TPX2: variants seen among roughly 807,000 people sequenced by gnomAD.
The protein encoded by TPX2 is TPX2 microtubule nucleation factor, also known as targeting protein for Xklp2.
A neutral mutation model predicts 93.6 loss-of-function variants in TPX2; 21 were observed. That is an observed-to-expected ratio of 0.22 (90% CI 0.16 to 0.32). The LOEUF is 0.32. TPX2 is among the 10% of genes least tolerant of loss of function. TPX2 has a pLI of 1.00. For synonymous variants in TPX2, 281 were observed against 298.3 expected (o/e 0.94, Z 0.60); for missense variants, 776 against 871.1 (o/e 0.89, Z 1.37).
intron 17 of TPX2, among the ~76,000 whole-genome samples, chr20:31,799,897 C>CA (rs533016889): frequency 0.043 from 2,733 of 63,574 alleles, 65 homozygotes; most frequent in Admixed American, 0.074. Flanking sequence ...GAGACTGTCT[C>CA]AAAAAAAAAA....
chr20:31,793,324 C>T (rs760350547), intron 13 of TPX2, among the ~76,000 whole-genome samples: 5 of 152,220 alleles, frequency 3.3e-5, no homozygotes, highest in Non-Finnish European at 7.3e-5. Context: ...CTTGTTACAT[C>T]TCCCATTTTA....
chr20:31,751,702 C>CCTG (rs2061820700), intron 2 of TPX2, among the ~76,000 whole-genome samples: 1 of 152,148 alleles, frequency 6.6e-6, no homozygotes, highest in Non-Finnish European at 1.5e-5. Flanking sequence ...TTGCTTTTGA[C>CCTG]TACAGGTGAC....
chr20:31,788,888 T>C (rs1490003244), intron 12 of TPX2, among the ~76,000 whole-genome samples: 2 of 152,108 alleles, frequency 1.3e-5, no homozygotes, highest in Non-Finnish European at 2.9e-5. Context: ...AAAATATATA[T>C]ACTTCCCAAA....
At chr20:31,756,767 G>C (rs1413219032) in intron 2 of TPX2, among the ~76,000 whole-genome samples, 1 of 151,908 alleles carries the variant, frequency 6.6e-6, no homozygotes, top group South Asian at 2.1e-4. Context: ...AGAATTACAG[G>C]CGCCTGCCAC....
In TPX2 at chr20:31,801,311, G is replaced by A; in HGVS notation, c.*231G>A. 2.1e-6 allele frequency: 1 copy of A among 476,786 alleles called. No individual in the cohort carries two copies. The highest frequency in any genetic ancestry group is 3.8e-6 in the Non-Finnish European group (1 of 264,400). The allele number at this position is 476,786 out of a possible 1,614,324, so 29.5% of individuals were successfully genotyped here. On this transcript the variant is annotated 3_prime_UTR_variant, in exon 18 of 18. Transcript: ENST00000300403. Reference sequence around the variant, plus strand: ...ATGTAACTCATGAATGTCTCGATTAGACTCCATGTAGTTACTTCCTTTAAA... The same window carrying A: ...ATGTAACTCATGAATGTCTCGATTAAACTCCATGTAGTTACTTCCTTTAAA...
intron 2 of TPX2, among the ~76,000 whole-genome samples, chr20:31,747,081 A>T (rs1392217905): frequency 6.6e-6 from 1 of 152,056 alleles, no homozygotes; most frequent in Admixed American, 6.6e-5. Flanking sequence ...AATTGTTTGC[A>T]TTCCCCCATT....
intron 4 of TPX2, among the ~76,000 whole-genome samples, chr20:31,762,799 AT>A (rs2122997571): frequency 6.6e-6 from 1 of 151,822 alleles, no homozygotes; most frequent in Non-Finnish European, 1.5e-5. Flanking sequence ...CCATTTTTTG[AT>A]TTTTCAAATT....
intron 2 of TPX2, among the ~76,000 whole-genome samples, chr20:31,756,205 A>G (rs1337345106): frequency 1.3e-5 from 2 of 152,220 alleles, no homozygotes; most frequent in African/African-American, 2.4e-5. Context: ...AGTAAAATCT[A>G]TCTTTGTTTT....
chr20:31,748,542 T>C (rs1233434988), intron 2 of TPX2, among the ~76,000 whole-genome samples: 1 of 152,240 alleles, frequency 6.6e-6, no homozygotes, highest in Non-Finnish European at 1.5e-5. Context: ...ATATCAGGGA[T>C]GCTTAGTTTT....
At chr20:31,743,178 G>T (rs1446558602) in intron 2 of TPX2, among the ~76,000 whole-genome samples, 1 of 152,114 alleles carries the variant, frequency 6.6e-6, no homozygotes, top group Non-Finnish European at 1.5e-5. Flanking sequence ...TCTCATCACT[G>T]CACTCCAGCC....
rs780805526 is a variant in TPX2, at chr20:31,778,890, A to G, written c.960A>G (p.Thr320=). Residue 320 remains threonine (T), a synonymous_variant, in exon 10 of 18, where the codon ACA becomes ACG. Transcript: ENST00000300403. ...SQGKKRTFDE[T]VSTYVPLAQQ... ...GAAAGAAAAGAACATTTGATGAAAC[A>G]GTTTCTACATATGTGCCCCTTGCAC... 7.4e-6 allele frequency: 12 copies of G among 1,612,946 alleles called. No individual in the cohort carries two copies. In the South Asian group the frequency reaches 1.1e-4, roughly 15 times the overall value.
Position 31,778,949 on chromosome 20 carries a change from A to G in TPX2, c.1019A>G (p.Asn340Ser). The part of the protein sequence containing the change: ...QVEDFHKRTP[N>S]RYHLRSKKDD... ...GAAGACTTCCATAAACGAACCCCTA[A>G]CAGATATCATTTGAGGAGCAAGAAG... Residue 340 changes from asparagine to serine, a missense_variant, in exon 10 of 18, where the codon AAC (asparagine) becomes AGC (serine). Asn to Ser is a conservative substitution (Grantham distance 46). This residue lies in a region of TPX2 where 461 missense variants were observed against 551.2 expected (regional missense o/e 0.84). Coordinates refer to ENST00000300403, the MANE Select transcript of TPX2 (RefSeq NM_012112.5). The G allele has an allele frequency of 1.9e-6, 3 of 1,604,936 alleles. No individual in the cohort carries two copies. Among genetic ancestry groups the G allele is most frequent in the South Asian group, 1.1e-5 (1 of 89,138 alleles).
intron 7 of TPX2, among the ~76,000 whole-genome samples, chr20:31,771,913 G>A (rs1437623262): frequency 6.6e-6 from 1 of 151,870 alleles, no homozygotes; most frequent in African/African-American, 2.4e-5. Flanking sequence ...GTGCAGTGAT[G>A]CAATCATGGC....
intron 6 of TPX2, among the ~76,000 whole-genome samples, 199 bp downstream of exon 6, chr20:31,770,670 C>T (rs1314385782): frequency 6.6e-6 from 1 of 152,130 alleles, no homozygotes; most frequent in Non-Finnish European, 1.5e-5. Flanking sequence ...TTACGTGTGT[C>T]CTGGAGGGCA....
intron 15 of TPX2, among the ~76,000 whole-genome samples, chr20:31,795,510 A>G (rs912880298): frequency 4.6e-5 from 7 of 152,270 alleles, no homozygotes; most frequent in Non-Finnish European, 8.8e-5. Context: ...TTTGGCCTGT[A>G]GGCCAGAGTT....
chr20:31,744,534 T>G (rs2061772782), intron 2 of TPX2, among the ~76,000 whole-genome samples: 1 of 152,084 alleles, frequency 6.6e-6, no homozygotes, highest in Non-Finnish European at 1.5e-5. Flanking sequence ...TTTTCTTTTT[T>G]GTTTTTTTTG....
intron 6 of TPX2, among the ~76,000 whole-genome samples, chr20:31,771,183 T>C (rs1408139146): frequency 6.6e-6 from 1 of 152,232 alleles, no homozygotes; most frequent in African/African-American, 2.4e-5. Context: ...GTACAATACT[T>C]ACTTGTAGCT....
chr20:31,793,861 C>A lies in TPX2; in HGVS notation c.1523C>A (p.Pro508Gln). Residue 508 changes from proline (P) to glutamine (Q), a missense_variant, in exon 14 of 18, where the codon CCG becomes CAG. Pro to Gln is a moderately conservative substitution (Grantham distance 76). Transcript: ENST00000300403. ...TTTTTTCCCTAGGAAGAGGACGAAC[C>A]GGTAGTGATAAAAGCTCAACCTGTG... ...PTKEDEEEDE[P>Q]VVIKAQPVPH... 1.3e-6 allele frequency: 2 copies of A among 1,599,706 alleles called. No individual in the cohort carries two copies. The highest frequency in any genetic ancestry group is 1.7e-6 in the Non-Finnish European group (2 of 1,173,630).
At chr20:31,797,308 T>C (rs2062144671) in intron 15 of TPX2, 96 bp from the exon 16 acceptor site, 1 of 1,058,068 alleles carries the variant, frequency 9.5e-7, no homozygotes, top group Non-Finnish European at 1.4e-6. Flanking sequence ...GCTATTTTTA[T>C]TGATGAAGCA....
Sources: allele counts gnomAD v4.1 joint callset (sites outside exome capture counted in the v4.1 genomes callset), GRCh38; gene constraint gnomAD v4.1.1; regional missense constraint gnomAD v4.1.1; transcripts MANE v1.5; gene names NCBI Gene and HGNC (gene_info 2026-07-23, HGNC 2026-07-21).